Variants in RYR3 observed in about 807,000 individuals in gnomAD.
The protein encoded by RYR3 is ryanodine receptor 3, also known as brain ryanodine receptor-calcium release channel.
RYR3 carries 207 observed loss-of-function variants against 584.3 expected under a neutral mutation model. The observed-to-expected ratio is 0.35, with a 90% CI of 0.32 to 0.40. RYR3 has a LOEUF of 0.40. Among genes scored for constraint, RYR3 ranks in the 10% least tolerant of loss-of-function variants. The probability of loss-of-function intolerance (pLI) is 1.00; values close to 1 mark genes in which losing one functional copy is unlikely to be tolerated. For missense variants in RYR3, 5,616 were observed against 6,089.2 expected (o/e 0.92, Z 2.59); for synonymous variants, 2,416 against 2,248.5 (o/e 1.07, Z -2.11).
intron 1 of RYR3, among the ~76,000 whole-genome samples, chr15:33,379,681 C>CTATA (rs1200090160): frequency 5.1e-5 from 6 of 118,638 alleles, no homozygotes; most frequent in African/African-American, 8.5e-5. Context: ...CTCTCTCTCT[C>CTATA]TCTCTCTATA....
In RYR3 at chr15:33,865,224, T is replaced by TAAATCTGAATCAAAGAAGCGCGAC. The variant is rs1431055139; in HGVS notation, c.*1_*24dup. On this transcript the variant is annotated inframe_insertion and stop_retained_variant, in exon 104 of 104. Transcript: ENST00000634891. The stretch of plus-strand genomic sequence containing the variant: ...TAAACAATATGAAGATCAGCTTGGA[T>TAAATCTGAATCAAAGAAGCGCGAC]AAATCTGAATCAAAGAAGCGCGACA... The TAAATCTGAATCAAAGAAGCGCGAC allele has an allele frequency of 1.2e-6, 2 of 1,609,898 alleles. No individual in the cohort carries two copies. The highest frequency in any genetic ancestry group is 1.1e-5 in the South Asian group (1 of 90,734).
intron 1 of RYR3, among the ~76,000 whole-genome samples, chr15:33,315,631 A>G (rs1402284702): frequency 6.6e-6 from 1 of 152,190 alleles, no homozygotes; most frequent in Non-Finnish European, 1.5e-5. Context: ...AGCTGATCTG[A>G]TTAAAGACCC....
At position 33,813,076 on chromosome 15, in the gene RYR3, G is replaced by A. The variant is rs941005517; in HGVS notation, c.10389+82G>A. ...GCTCCCCTCCACACTCAGCATTCAG[G>A]TACAAGTGCCCTCATAAGACTGAGA... On this transcript the variant is annotated intron_variant, in intron 73 of 103. Coordinates refer to ENST00000634891, the MANE Select transcript of RYR3 (RefSeq NM_001036.6). The A allele has an allele frequency of 7.7e-6, 12 of 1,548,444 alleles. No individual in the cohort carries two copies. The African/African-American group carries it at 1.4e-4, about 18-fold the overall frequency.
intron 11 of RYR3, among the ~76,000 whole-genome samples, chr15:33,565,196 A>G (rs2057642561): frequency 6.6e-6 from 1 of 152,222 alleles, no homozygotes; most frequent in Non-Finnish European, 1.5e-5. Context: ...TAAATGTGTT[A>G]TCTGAGCAAG....
rs149528903 is a variant in RYR3, at chr15:33,643,626, G to A, written c.3557-685G>A. ...GTTAACAAGCACAATCATAGTGCTA[G>A]CATTTAAAACTTCTTAGAATCCTAC... On this transcript the variant is annotated intron_variant, in intron 27 of 103. Transcript: ENST00000634891. Among the ~76,000 whole-genome samples, 3 of 151,916 alleles carry A rather than the reference G, an allele frequency of 2.0e-5. No individual in the cohort carries two copies. The East Asian group carries it at 5.8e-4, about 29-fold the overall frequency.
At chr15:33,504,287 C>T (rs2052267596) in intron 3 of RYR3, among the ~76,000 whole-genome samples, 1 of 152,204 alleles carries the variant, frequency 6.6e-6, no homozygotes, top group Non-Finnish European at 1.5e-5. Flanking sequence ...AAGAGACAAG[C>T]TCCATATTGC....
intron 85 of RYR3, among the ~76,000 whole-genome samples, chr15:33,828,027 T>C (rs111336746): frequency 8.9e-4 from 135 of 152,372 alleles, no homozygotes; most frequent in African/African-American, 3.2e-3. Context: ...TGTGCCGTTT[T>C]ACCAACAGCA....
intron 85 of RYR3, 91 bp downstream of exon 85, chr15:33,827,378 C>A: frequency 8.6e-7 from 1 of 1,163,926 alleles, no homozygotes; most frequent in Non-Finnish European, 1.3e-6. Flanking sequence ...GCCCAGGATA[C>A]AGTCAAGCCC....
intron 67 of RYR3, among the ~76,000 whole-genome samples, chr15:33,791,148 G>T (rs62010994): frequency 0.014 from 2,099 of 152,316 alleles, 28 homozygotes; most frequent in Non-Finnish European, 0.016. Flanking sequence ...GAAATGGGAC[G>T]CTAGCTAGAA....
At chr15:33,521,535 T>C (rs568871055) in intron 3 of RYR3, among the ~76,000 whole-genome samples, 2 of 152,210 alleles carry the variant, frequency 1.3e-5, no homozygotes, top group South Asian at 4.2e-4. Context: ...GGGGGATGGA[T>C]TGTTTGATTT....
chr15:33,434,093 G>A (rs2045447895), intron 1 of RYR3, among the ~76,000 whole-genome samples: 1 of 152,126 alleles, frequency 6.6e-6, no homozygotes, highest in Admixed American at 6.5e-5. Context: ...ATTTTGTTGG[G>A]ATGTTTTTGT....
chr15:33,794,964 C>T (rs1262128038), intron 67 of RYR3, among the ~76,000 whole-genome samples: 1 of 152,184 alleles, frequency 6.6e-6, no homozygotes, highest in Non-Finnish European at 1.5e-5. Flanking sequence ...ACAGCATTGC[C>T]ATGCATGCAA....
chr15:33,439,240 A>G (rs956629782), intron 1 of RYR3, among the ~76,000 whole-genome samples: 2 of 152,300 alleles, frequency 1.3e-5, no homozygotes, highest in Non-Finnish European at 2.9e-5. Flanking sequence ...TGGCATTTCT[A>G]TAAAAGAAAT....
chr15:33,640,384 C>T (rs1394150161), intron 27 of RYR3, among the ~76,000 whole-genome samples: 1 of 152,120 alleles, frequency 6.6e-6, no homozygotes, highest in Non-Finnish European at 1.5e-5. Context: ...AAAGGCTTAC[C>T]AGGAAATAGG....
intron 16 of RYR3, among the ~76,000 whole-genome samples, chr15:33,587,939 G>C (rs2058939486): frequency 6.6e-6 from 1 of 152,102 alleles, no homozygotes; most frequent in African/African-American, 2.4e-5. Flanking sequence ...TTCTCTCCAG[G>C]CTGCATTGTT....
intron 8 of RYR3, among the ~76,000 whole-genome samples, chr15:33,545,844 A>G (rs2056198542): frequency 2.0e-5 from 3 of 151,962 alleles, no homozygotes; most frequent in Non-Finnish European, 4.4e-5. Context: ...TCCAGAAGAA[A>G]TCGTTTTCAG....
rs796835314 is a variant in RYR3 at position 33,620,249 on chromosome 15, T to C, written c.2358-3558T>C. ...TCAGCTCTATCACCAGGAAAATGTG[T>C]CCCTCAGTAAACTCCAGAGGACAGT... On this transcript the variant is annotated intron_variant, in intron 19 of 103. Coordinates refer to ENST00000634891, the MANE Select transcript of RYR3 (RefSeq NM_001036.6). Among the ~76,000 whole-genome samples, 10 of 152,226 alleles carry C rather than the reference T, an allele frequency of 6.6e-5. 1 individual carries two copies. The highest frequency in any genetic ancestry group is 2.4e-4 in the African/African-American group (10 of 41,536).
At chr15:33,427,826 T>A (rs1360094886) in intron 1 of RYR3, among the ~76,000 whole-genome samples, 1 of 152,226 alleles carries the variant, frequency 6.6e-6, no homozygotes, top group Non-Finnish European at 1.5e-5. Flanking sequence ...CATGGCTGTA[T>A]CTCTTTTCCC....
At chr15:33,480,447 G>T (rs892520964) in intron 2 of RYR3, among the ~76,000 whole-genome samples, 3 of 152,154 alleles carry the variant, frequency 2.0e-5, no homozygotes, top group Non-Finnish European at 2.9e-5. Context: ...TCAGCACAGG[G>T]TCATACACAT....
Sources: allele counts gnomAD v4.1 joint callset (sites outside exome capture counted in the v4.1 genomes callset), GRCh38; gene constraint gnomAD v4.1.1; transcripts MANE v1.5; gene names NCBI Gene and HGNC (gene_info 2026-07-23, HGNC 2026-07-21).